Variants in JAZF1 observed in about 807,000 individuals in gnomAD.
JAZF1 encodes juxtaposed with another zinc finger protein 1.
A neutral mutation model predicts 26.4 loss-of-function variants in JAZF1; 8 were observed. The ratio of observed to expected loss-of-function variants is 0.30; its 90% CI spans 0.18 to 0.55. The LOEUF is 0.55. JAZF1 is among the 20% of genes least tolerant of loss of function. The probability of loss-of-function intolerance (pLI) is 0.94; values close to 1 mark genes in which losing one functional copy is unlikely to be tolerated. For missense variants in JAZF1, 199 were observed against 322.0 expected (o/e 0.62, Z 2.92); for synonymous variants, 126 against 122.3 (o/e 1.03, Z -0.20).
chr7:28,075,074 C>T (rs970127952), intron 1 of JAZF1, among the ~76,000 whole-genome samples: 55 of 152,286 alleles, frequency 3.6e-4, no homozygotes, highest in African/African-American at 1.3e-3. Flanking sequence ...ATGGGCATGT[C>T]GCTAGAGCCA....
intron 1 of JAZF1, among the ~76,000 whole-genome samples, chr7:27,993,215 A>AC (rs1292846027): frequency 1.3e-5 from 2 of 152,184 alleles, no homozygotes; most frequent in Non-Finnish European, 2.9e-5. Flanking sequence ...GGTCTTTGCC[A>AC]CTGCAGGTCC....
chr7:28,097,944 T>C (rs1273382640), intron 1 of JAZF1, among the ~76,000 whole-genome samples: 2 of 152,158 alleles, frequency 1.3e-5, no homozygotes, highest in Admixed American at 6.5e-5. Context: ...TCTCAAACCA[T>C]TCCATAACGT....
chr7:28,019,198 C>T (rs1782955493), intron 1 of JAZF1, among the ~76,000 whole-genome samples: 1 of 152,218 alleles, frequency 6.6e-6, no homozygotes, highest in African/African-American at 2.4e-5. Flanking sequence ...CAAAGCCATT[C>T]TCCTCTGCAT....
intron 3 of JAZF1, among the ~76,000 whole-genome samples, chr7:27,892,800 G>C (rs1460741373): frequency 6.6e-6 from 1 of 152,192 alleles, no homozygotes; most frequent in Non-Finnish European, 1.5e-5. Context: ...TCCTCTAGAA[G>C]CATGACCTTG....
intron 2 of JAZF1, among the ~76,000 whole-genome samples, chr7:27,988,351 T>A (rs547394894): frequency 2.0e-4 from 31 of 152,140 alleles, no homozygotes; most frequent in African/African-American, 7.2e-4. Flanking sequence ...ATCTCTACAT[T>A]TTCCCCCTTA....
chr7:27,918,426 T>C (rs1190513791), intron 2 of JAZF1, among the ~76,000 whole-genome samples: 2 of 152,148 alleles, frequency 1.3e-5, no homozygotes, highest in East Asian at 3.9e-4. Context: ...TAATTGCCCA[T>C]ATATATTAGT....
intron 1 of JAZF1, among the ~76,000 whole-genome samples, chr7:28,056,006 C>T (rs1195127503): frequency 6.6e-6 from 1 of 152,164 alleles, no homozygotes; most frequent in Non-Finnish European, 1.5e-5. Flanking sequence ...GATACTACAG[C>T]TACATAGTAG....
At chr7:28,063,139 ACT>A (rs1443221749) in intron 1 of JAZF1, among the ~76,000 whole-genome samples, 6 of 152,076 alleles carry the variant, frequency 3.9e-5, no homozygotes, top group Non-Finnish European at 8.8e-5. Flanking sequence ...CTCTTTTCAC[ACT>A]CTGTTCTTTC....
At chr7:27,871,001 C>T (rs1424275554) in intron 3 of JAZF1, among the ~76,000 whole-genome samples, 2 of 152,046 alleles carry the variant, frequency 1.3e-5, no homozygotes, top group East Asian at 1.9e-4. Context: ...AGCCACAGTA[C>T]GTATATGTAG....
intron 1 of JAZF1, among the ~76,000 whole-genome samples, chr7:28,095,167 C>T (rs1784363400): frequency 6.6e-6 from 1 of 152,208 alleles, no homozygotes; most frequent in Non-Finnish European, 1.5e-5. Flanking sequence ...TCTTCATTCT[C>T]CATCAAGAGC....
At chr7:27,920,890 A>C (rs1198574876) in intron 2 of JAZF1, among the ~76,000 whole-genome samples, 4 of 152,260 alleles carry the variant, frequency 2.6e-5, no homozygotes, top group Non-Finnish European at 5.9e-5. Flanking sequence ...ACACAGCTGT[A>C]GTAATGTTGG....
At position 27,834,881 on chromosome 7, in the gene JAZF1, T is replaced by C. The variant is rs144816303; in HGVS notation, c.556-1905A>G. Among the ~76,000 whole-genome samples, 1,455 of 152,356 alleles carry C rather than the reference T, an allele frequency of 9.5e-3. 10 individuals carry two copies. The highest frequency in any genetic ancestry group is 0.017 in the Middle Eastern group (5 of 294). On this transcript the variant is annotated intron_variant, in intron 4 of 4. Transcript: ENST00000283928. ...ATTGTTTTAAGCCATGTATTGTGTGTGTGAGAGAGACAGAAAGAGAGTGAA... is the reference window on the plus strand; with the variant it reads ...ATTGTTTTAAGCCATGTATTGTGTGCGTGAGAGAGACAGAAAGAGAGTGAA...
chr7:28,140,833 A>C (rs1782950138), intron 1 of JAZF1, among the ~76,000 whole-genome samples: 1 of 152,240 alleles, frequency 6.6e-6, no homozygotes, highest in Admixed American at 6.5e-5. Flanking sequence ...AAGAATTTTT[A>C]TAAATATTCC....
intron 3 of JAZF1, among the ~76,000 whole-genome samples, chr7:27,855,198 T>C (rs536995317): frequency 3.3e-5 from 5 of 152,122 alleles, no homozygotes; most frequent in African/African-American, 1.2e-4. Context: ...ACACAATGTA[T>C]CAGAATCTCT....
At chr7:27,859,289 T>G (rs190382416) in intron 3 of JAZF1, among the ~76,000 whole-genome samples, 13 of 152,300 alleles carry the variant, frequency 8.5e-5, no homozygotes, top group African/African-American at 3.1e-4. Context: ...GTGTAAATTA[T>G]TTCAACCATT....
At chr7:28,046,470 GTC>G (rs1009970247) in intron 1 of JAZF1, among the ~76,000 whole-genome samples, 1 of 152,172 alleles carries the variant, frequency 6.6e-6, no homozygotes, top group Non-Finnish European at 1.5e-5. Context: ...CATTTAGGCT[GTC>G]CCAAACTTTC....
chr7:27,888,882 G>A (rs1689209066), intron 3 of JAZF1, among the ~76,000 whole-genome samples: 1 of 152,116 alleles, frequency 6.6e-6, no homozygotes, highest in Admixed American at 6.5e-5. Flanking sequence ...TTTTCCAGGA[G>A]TAACTATGCG....
chr7:27,952,248 G>T (rs1785022171), intron 2 of JAZF1, among the ~76,000 whole-genome samples: 1 of 152,208 alleles, frequency 6.6e-6, no homozygotes, highest in Non-Finnish European at 1.5e-5. Context: ...TAGCACAGAA[G>T]GGGTAATGAA....
At chr7:27,888,533 T>G (rs528810056) in intron 3 of JAZF1, among the ~76,000 whole-genome samples, 21 of 152,316 alleles carry the variant, frequency 1.4e-4, no homozygotes, top group Non-Finnish European at 2.2e-4. Flanking sequence ...AGCAAAATTC[T>G]ATCAGTCCTG....
Sources: allele counts gnomAD v4.1 joint callset (sites outside exome capture counted in the v4.1 genomes callset), GRCh38; gene constraint gnomAD v4.1.1; transcripts MANE v1.5; gene names NCBI Gene and HGNC (gene_info 2026-07-23, HGNC 2026-07-21).